SEPTIN6: variants seen among roughly 807,000 people sequenced by gnomAD.
SEPTIN6 encodes septin-6.
Under a neutral mutation model 33.6 loss-of-function variants are expected in SEPTIN6, and 8 were observed. The observed-to-expected ratio is 0.24, with a 90% CI of 0.14 to 0.43. The LOEUF (loss-of-function observed/expected upper bound fraction) is 0.43, where lower values mean the gene tolerates loss of function less well. Among genes scored for constraint, SEPTIN6 ranks in the 20% least tolerant of loss-of-function variants. The pLI is 1.00. For missense variants in SEPTIN6, 250 were observed against 340.8 expected, an observed-to-expected ratio of 0.73 and a Z score of 2.10; for synonymous variants, 131 against 140.0, an observed-to-expected ratio of 0.94 and a Z score of 0.45.
chrX:119,690,342 T>C (rs111448701), intron 1 of SEPTIN6, among the ~76,000 whole-genome samples: 736 of 69,308 alleles, frequency 0.011, 9 homozygotes, highest in African/African-American at 0.058. Flanking sequence ...CCCACATACA[T>C]ACACATACAC....
At chrX:119,668,314 G>A (rs1432539130) in intron 2 of SEPTIN6, among the ~76,000 whole-genome samples, 2 of 74,602 alleles carry the variant, frequency 2.7e-5, no homozygotes, top group African/African-American at 1.5e-4. Context: ...AGGAAAGACA[G>A]AGAGAGAGAG....
chrX:119,691,363 G>C (rs896374514), intron 1 of SEPTIN6, among the ~76,000 whole-genome samples: 3 of 112,290 alleles, frequency 2.7e-5, no homozygotes, highest in African/African-American at 9.7e-5. Flanking sequence ...GATGGAGCTA[G>C]TGTAATCCCA....
chrX:119,616,475 C>T (rs2053667021), downstream of SEPTIN6: 1 of 486,470 alleles, frequency 2.1e-6, no homozygotes, highest in Non-Finnish European at 3.8e-6. Flanking sequence ...CATTTTCCAG[C>T]TCTGATGGTT....
At chrX:119,635,842 C>T (rs900754453) in intron 7 of SEPTIN6, among the ~76,000 whole-genome samples, 1 of 111,439 alleles carries the variant, frequency 9.0e-6, no homozygotes, top group Admixed American at 9.5e-5. Flanking sequence ...TAAGAAAGAG[C>T]AGGGTTAAGG....
At chrX:119,685,745 G>T (rs1410385282) in intron 1 of SEPTIN6, among the ~76,000 whole-genome samples, 1 of 111,537 alleles carries the variant, frequency 9.0e-6, no homozygotes, top group East Asian at 2.8e-4. Flanking sequence ...GCTGGTCAGG[G>T]GCAGAAGGGT....
chrX:119,673,777 G>A (rs2054790250), intron 2 of SEPTIN6, among the ~76,000 whole-genome samples: 1 of 102,422 alleles, frequency 9.8e-6, no homozygotes, highest in South Asian at 4.6e-4. Context: ...GGAAGGTGGA[G>A]GTTGCAGTGA....
intron 1 of SEPTIN6, chrX:119,686,582 T>C (rs1341673353): frequency 2.1e-6 from 2 of 966,670 alleles, no homozygotes; most frequent in African/African-American, 2.0e-5. Context: ...GTGGCCTCCT[T>C]CCTCTGTGCA....
chrX:119,660,211 C>T (rs1208473810), intron 3 of SEPTIN6, among the ~76,000 whole-genome samples: 1 of 112,335 alleles, frequency 8.9e-6, no homozygotes, highest in Non-Finnish European at 1.9e-5. Context: ...CCGCAGTATC[C>T]GGCCTTAGTC....
At chrX:119,665,372 G>A (rs903099483) in intron 2 of SEPTIN6, among the ~76,000 whole-genome samples, 4 of 111,889 alleles carry the variant, frequency 3.6e-5, no homozygotes, top group African/African-American at 1.3e-4. Flanking sequence ...CCGAAGTACT[G>A]GGATTACAGG....
At chrX:119,684,582 C>G (rs921254548) in intron 1 of SEPTIN6, among the ~76,000 whole-genome samples, 1 of 106,605 alleles carries the variant, frequency 9.4e-6, no homozygotes, top group Non-Finnish European at 1.9e-5. Context: ...CCTCCGTCTC[C>G]AGGGTTCAAG....
At chrX:119,641,215 C>T in intron 5 of SEPTIN6, among the ~76,000 whole-genome samples, 1 of 111,457 alleles carries the variant, frequency 9.0e-6, no homozygotes, top group Non-Finnish European at 1.9e-5. Flanking sequence ...CTTCTCCCTC[C>T]CTGGCATGCA....
intron 1 of SEPTIN6, among the ~76,000 whole-genome samples, chrX:119,690,343 A>T (rs760520969): frequency 1.6e-4 from 9 of 57,100 alleles, no homozygotes; most frequent in Non-Finnish European, 2.6e-4. Flanking sequence ...CCACATACAT[A>T]CACATACACA....
Position 119,617,442 on chromosome X carries a change from C to T in SEPTIN6, c.*2651G>A. 1 of 803,896 alleles carries T rather than the reference C, an allele frequency of 1.2e-6. No individual in the cohort carries two copies. The highest frequency in any genetic ancestry group is 1.5e-6 in the Non-Finnish European group (1 of 669,855). 66.3% of individuals were successfully genotyped at this position (803,896 alleles called of 1,213,427 possible). On this transcript the variant is annotated 3_prime_UTR_variant, in exon 11 of 11. Transcript: ENST00000394610. ...TGATTATAAGGGTCACCTAGGGCAC[C>T]TGTTACACACAGTCTCCTGGACCCC...
At chrX:119,624,638 T>C (rs1292682187) in intron 10 of SEPTIN6, among the ~76,000 whole-genome samples, 4 of 111,641 alleles carry the variant, frequency 3.6e-5, no homozygotes, top group Non-Finnish European at 7.5e-5. Context: ...GACTGTGACA[T>C]TGCAGGACGG....
At chrX:119,622,053 C>A (rs773122751) in intron 10 of SEPTIN6, among the ~76,000 whole-genome samples, 2 of 106,773 alleles carry the variant, frequency 1.9e-5, no homozygotes, top group African/African-American at 3.4e-5. Flanking sequence ...ACAACAACAA[C>A]AAAAAAAAAC....
downstream of SEPTIN6, chrX:119,615,873 GAGA>G (rs763334727): frequency 6.1e-6 from 1 of 165,083 alleles, no homozygotes; most frequent in East Asian, 8.9e-5. Context: ...AAGAACAAAG[GAGA>G]AGAAAGGAAA....
chrX:119,661,164 A>G (rs1835844679), intron 3 of SEPTIN6, among the ~76,000 whole-genome samples: 1 of 107,744 alleles, frequency 9.3e-6, no homozygotes. Flanking sequence ...GGTGGCTCAC[A>G]CCTGTAATCC....
At chrX:119,674,198 G>C (rs1005341392) in intron 2 of SEPTIN6, among the ~76,000 whole-genome samples, 3 of 107,815 alleles carry the variant, frequency 2.8e-5, no homozygotes, top group Non-Finnish European at 5.8e-5. Context: ...TTTTGAGACA[G>C]AGTCTTACTC....
At chrX:119,656,614 G>T (rs544991104) in intron 3 of SEPTIN6, among the ~76,000 whole-genome samples, 1 of 112,844 alleles carries the variant, frequency 8.9e-6, no homozygotes, top group Non-Finnish European at 1.9e-5. Context: ...GAGGCCAGGC[G>T]CAGTGGCTCA....
Sources: gnomAD v4.1 joint callset for allele counts (sites outside exome capture counted in the v4.1 genomes callset) on GRCh38, gnomAD v4.1.1 for gene constraint, MANE v1.5 for transcripts, NCBI Gene and HGNC (gene_info 2026-07-23, HGNC 2026-07-21) for gene names.